Variants in TUSC3 observed in about 807,000 individuals in gnomAD.
TUSC3 encodes tumor suppressor candidate 3.
Under a neutral mutation model 44.8 loss-of-function variants are expected in TUSC3, and 45 were observed. That is an observed-to-expected ratio of 1.00 (90% confidence interval 0.79 to 1.29). The LOEUF (loss-of-function observed/expected upper bound fraction) is 1.29, where lower values mean the gene tolerates loss of function less well. Among genes scored for constraint, TUSC3 ranks in the 50% most tolerant of loss-of-function variants. TUSC3 has a pLI of 0.00. For missense variants in TUSC3, 519 were observed against 437.9 expected, an observed-to-expected ratio of 1.19 and a Z score of -1.65; for synonymous variants, 212 against 152.9, an observed-to-expected ratio of 1.39 and a Z score of -2.85.
At chr8:15,684,563 G>T (rs1224009639) in intron 6 of TUSC3, among the ~76,000 whole-genome samples, 1 of 152,172 alleles carries the variant, frequency 6.6e-6, no homozygotes, top group Non-Finnish European at 1.5e-5. Flanking sequence ...GATGCCTTGG[G>T]ACTCCCTGGG....
At chr8:15,504,607 ATATATATATATATATTTTTTT>A (rs1433881977) in intron 2 of TUSC3, among the ~76,000 whole-genome samples, 44 of 25,120 alleles carry the variant, frequency 1.8e-3, no homozygotes, top group African/African-American at 6.6e-3. Flanking sequence ...ATATATATAT[ATATATATATATATATTTTTTT>A]TTTTTTTTTT....
chr8:15,582,053 G>C (rs1374843157), intron 1 of TUSC3, among the ~76,000 whole-genome samples: 1 of 152,096 alleles, frequency 6.6e-6, no homozygotes, highest in South Asian at 2.1e-4. Flanking sequence ...CAATATTCGG[G>C]TGGCAGTGAC....
At chr8:15,842,444 A>T in the TUSC3 span, among the ~76,000 whole-genome samples, 2 of 152,178 alleles carry the variant, frequency 1.3e-5, no homozygotes, top group African/African-American at 4.8e-5. Context: ...CATGTTTTTC[A>T]TGTCTCTATT....
At chr8:15,731,568 A>T (rs1337983028) in intron 7 of TUSC3, among the ~76,000 whole-genome samples, 1 of 152,180 alleles carries the variant, frequency 6.6e-6, no homozygotes, top group Non-Finnish European at 1.5e-5. Context: ...ACTAGAGCCC[A>T]CAAAGGGCTT....
chr8:15,425,070 A>G (rs749746065), intron 1 of TUSC3, among the ~76,000 whole-genome samples: 5 of 152,188 alleles, frequency 3.3e-5, no homozygotes, highest in Non-Finnish European at 7.3e-5. Context: ...GGAATGAGAT[A>G]AAAACTGACA....
Position 15,702,383 on chromosome 8 carries a change from G to T in TUSC3, c.799-28283G>T, listed in dbSNP as rs375624495. On this transcript the variant is annotated intron_variant, in intron 6 of 10. Transcript: ENST00000503731. ...ATTTTAGCTTTAGAATGCTTTATTT[G>T]TTGAGAAAGTGTTTCATATATGGAG... 1.3e-4 allele frequency among the ~76,000 whole-genome samples: 20 copies of T among 152,256 alleles called. No individual in the cohort carries two copies. In the East Asian group the frequency reaches 1.9e-3, roughly 15 times the overall value.
chr8:15,835,332 TCTC>T, the TUSC3 span, among the ~76,000 whole-genome samples: 198 of 152,184 alleles, frequency 1.3e-3, 1 homozygote, highest in Non-Finnish European at 1.9e-3. Flanking sequence ...TTATGCTTTT[TCTC>T]CTTTTATTAA....
At chr8:15,739,980 A>G (rs1010996099) in intron 7 of TUSC3, among the ~76,000 whole-genome samples, 4 of 152,328 alleles carry the variant, frequency 2.6e-5, no homozygotes, top group African/African-American at 2.4e-5. Context: ...AAGATAGTGA[A>G]TAAAACAAAG....
intron 2 of TUSC3, among the ~76,000 whole-genome samples, chr8:15,641,489 G>T (rs1806370428): frequency 6.6e-6 from 1 of 152,116 alleles, no homozygotes; most frequent in Admixed American, 6.5e-5. Context: ...AGAGTGAGAG[G>T]GGAAGACACT....
intron 1 of TUSC3, among the ~76,000 whole-genome samples, chr8:15,562,211 T>C (rs1252216179): frequency 6.6e-6 from 1 of 152,158 alleles, no homozygotes; most frequent in Non-Finnish European, 1.5e-5. Flanking sequence ...AGTACTGTAG[T>C]GATTTACCAA....
Position 15,736,008 on chromosome 8 carries a change from A to C in TUSC3, c.862+5279A>C, listed in dbSNP as rs180978515. Among the ~76,000 whole-genome samples, 468 of 152,100 alleles carry C rather than the reference A, an allele frequency of 3.1e-3. 6 individuals carry two copies. Among genetic ancestry groups the C allele is most frequent in the Non-Finnish European group, 4.4e-3 (301 of 67,988 alleles). On this transcript the variant is annotated intron_variant, in intron 7 of 10. Transcript: ENST00000503731. The stretch of plus-strand genomic sequence containing the variant: ...CTCCCAAAGTGCTGGGATTACAGGC[A>C]TGAGCCACCACGCCCGGCGATATTT...
rs1805569384 is a variant in TUSC3 at position 15,627,518 on chromosome 8, G to T, written c.308+4269G>T. Among the ~76,000 whole-genome samples, 3 of 152,226 alleles carry T rather than the reference G, an allele frequency of 2.0e-5. No individual in the cohort carries two copies. The South Asian group carries it at 6.2e-4, about 31-fold the overall frequency. ...TGTAATACAAAGAGGGCTGGAACAT[G>T]CCCCTCGCTTGCCATGTTGTGGATG... On this transcript the variant is annotated intron_variant, in intron 2 of 10. Transcript: ENST00000503731.
intron 1 of TUSC3, among the ~76,000 whole-genome samples, chr8:15,441,412 TTAAG>T (rs145868908): frequency 0.022 from 3,373 of 152,208 alleles, 140 homozygotes; most frequent in African/African-American, 0.077. Context: ...CTCAAAAAAA[TTAAG>T]TAAGTAAATG....
chr8:15,459,852 G>GTA lies in TUSC3; in HGVS notation n.92-23533_92-23532insAT, dbSNP rs778666195. On this transcript the variant is annotated intron_variant and non_coding_transcript_variant, in intron 1 of 5. Coordinates refer to the TUSC3 transcript ENST00000503191. Reference sequence around the variant, plus strand: ...TCCATTTGTGTGTGTGTGTGTGTGTGTGTATGTGTGTGTGTGTGTGTGTAT... The same window carrying GTA: ...TCCATTTGTGTGTGTGTGTGTGTGTGTATGTATGTGTGTGTGTGTGTGTGTAT... 3.3e-3 allele frequency among the ~76,000 whole-genome samples: 478 copies of GTA among 143,544 alleles called. 3 individuals are homozygous for GTA. The highest frequency in any genetic ancestry group is 0.012 in the East Asian group (59 of 5,064). The allele number at this position is 143,544 out of a possible 152,430, so 94.2% of individuals were successfully genotyped here.
intron 1 of TUSC3, among the ~76,000 whole-genome samples, chr8:15,441,067 G>A (rs1563251526): frequency 6.6e-6 from 1 of 152,118 alleles, no homozygotes; most frequent in Non-Finnish European, 1.5e-5. Flanking sequence ...TCTTTCATTT[G>A]CAACTAAAAC....
At chr8:15,592,440 G>A (rs1803882246) in intron 1 of TUSC3, among the ~76,000 whole-genome samples, 1 of 152,132 alleles carries the variant, frequency 6.6e-6, no homozygotes, top group South Asian at 2.1e-4. Flanking sequence ...TCATGGTGGT[G>A]GATCCCTCAT....
At position 15,605,609 on chromosome 8, in the gene TUSC3, C is replaced by CA. The variant is rs200286772; in HGVS notation, c.139-17463dup. ...ATGGACTGCATTGCCTTACAAATAC[C>CA]AAAAAAAATGGAGAAAAAAGTCTGT... On this transcript the variant is annotated intron_variant, in intron 1 of 10. Coordinates refer to ENST00000503731, the MANE Select transcript of TUSC3 (RefSeq NM_006765.4). Among the ~76,000 whole-genome samples, 116 of 150,494 alleles carry CA rather than the reference C, an allele frequency of 7.7e-4. No individual in the cohort carries two copies. The East Asian group carries it at 0.02, about 25-fold the overall frequency.
the TUSC3 span, among the ~76,000 whole-genome samples, chr8:15,813,103 C>A: frequency 2.7e-5 from 4 of 150,864 alleles, no homozygotes; most frequent in East Asian, 7.8e-4. Flanking sequence ...CAAAAAAAGA[C>A]AAAAAAAATA....
rs140434462 is a variant in TUSC3, at chr8:15,649,311, G to A, written c.309-1386G>A. Among the ~76,000 whole-genome samples the A allele has an allele frequency of 5.9e-3, 896 of 152,026 alleles. 13 individuals carry two copies. The highest frequency in any genetic ancestry group is 0.021 in the African/African-American group (853 of 41,468). ...TGAGTATTAAGAAGTTTAGCCGGGC[G>A]CGGTGGCTCACGCCTGTAATCCCAG... On this transcript the variant is annotated intron_variant, in intron 2 of 10. Transcript: ENST00000503731.
Sources: gnomAD v4.1 joint callset for allele counts (sites outside exome capture counted in the v4.1 genomes callset) on GRCh38, gnomAD v4.1.1 for gene constraint, MANE v1.5 for transcripts, NCBI Gene and HGNC (gene_info 2026-07-23, HGNC 2026-07-21) for gene names.